The following LONP2 variants were observed in gnomAD, a reference collection of about 807,000 sequenced individuals.
LONP2 encodes lon peptidase 2, peroxisomal.
A neutral mutation model predicts 85.6 loss-of-function variants in LONP2; 60 were observed. The ratio of observed to expected loss-of-function variants is 0.70; its 90% confidence interval spans 0.57 to 0.87. LONP2 has a LOEUF of 0.87. Among genes scored for constraint, LONP2 ranks in the 40% least tolerant of loss-of-function variants. LONP2 has a pLI of 0.00. For missense variants in LONP2, 860 were observed against 1,063.5 expected (o/e 0.81, Z 2.66); for synonymous variants, 395 against 389.7 (o/e 1.01, Z -0.16).
At chr16:48,359,050 C>T (rs1245220033), downstream of LONP2, among the ~76,000 whole-genome samples, 7 of 152,158 alleles carry the variant, frequency 4.6e-5, no homozygotes, top group Admixed American at 3.9e-4. Context: ...TGCAGTGATA[C>T]GATCTTGGCT....
chr16:48,282,147 G>A (rs1475351917), intron 8 of LONP2, among the ~76,000 whole-genome samples: 1 of 151,906 alleles, frequency 6.6e-6, no homozygotes, highest in Non-Finnish European at 1.5e-5. Flanking sequence ...AGTGGCTCAC[G>A]CCTGTAATCC....
At chr16:48,331,401 T>C (rs1959440850) in intron 11 of LONP2, among the ~76,000 whole-genome samples, 1 of 152,202 alleles carries the variant, frequency 6.6e-6, no homozygotes, top group Non-Finnish European at 1.5e-5. Context: ...ATGAATGCTA[T>C]AAAAGAAGTC....
intron 7 of LONP2, among the ~76,000 whole-genome samples, chr16:48,276,313 C>T (rs1319006742): frequency 6.6e-6 from 1 of 152,094 alleles, no homozygotes; most frequent in Non-Finnish European, 1.5e-5. Context: ...CTACTTTATA[C>T]CAGTCATGTG....
At chr16:48,256,855 T>G in intron 3 of LONP2, 114 bp downstream of exon 3, 1 of 935,240 alleles carries the variant, frequency 1.1e-6, no homozygotes, top group Admixed American at 2.6e-5. Context: ...CCAAAGTAAT[T>G]GAAATGCTTT....
chr16:48,357,666 A>T (rs531751980), downstream of LONP2, among the ~76,000 whole-genome samples: 13 of 152,324 alleles, frequency 8.5e-5, no homozygotes, highest in South Asian at 2.7e-3. Context: ...TCTTCTAATC[A>T]GGAGTGTGAA....
intron 11 of LONP2, among the ~76,000 whole-genome samples, chr16:48,304,215 C>A (rs16946084): frequency 0.012 from 1,865 of 152,274 alleles, 41 homozygotes; most frequent in African/African-American, 0.042. Flanking sequence ...CAACATAAGA[C>A]AATCCATGCT....
intron 11 of LONP2, among the ~76,000 whole-genome samples, chr16:48,328,402 G>A (rs561797895): frequency 2.0e-5 from 3 of 151,494 alleles, no homozygotes; most frequent in African/African-American, 7.3e-5. Flanking sequence ...AAATTGGGCC[G>A]GGCGCAGTGG....
At chr16:48,250,880 A>G (rs903671507) in intron 1 of LONP2, among the ~76,000 whole-genome samples, 2 of 152,240 alleles carry the variant, frequency 1.3e-5, no homozygotes, top group African/African-American at 4.8e-5. Context: ...AATAATAGCT[A>G]ATTGCTAAAT....
Position 48,270,223 on chromosome 16 carries a change from A to G in LONP2, c.1190A>G (p.His397Arg). 6.2e-7 allele frequency: 1 copy of G among 1,614,074 alleles called. No individual in the cohort carries two copies. The highest frequency in any genetic ancestry group is 8.5e-7 in the Non-Finnish European group (1 of 1,179,948). The change falls in exon 7 of 15, where the codon CAC becomes CGC. Residue 397 changes from histidine (H) to arginine (R), a missense_variant. Transcript: ENST00000285737. ...SVAKTLGREF[H>R]RIALGGVCDQ... is the part of the protein sequence containing the mutation. ...GCCAAGACTCTAGGTCGAGAGTTCC[A>G]CAGGATTGCACTTGGAGGAGTATGT...
chr16:48,286,317 A>C (rs1259896630), intron 8 of LONP2, among the ~76,000 whole-genome samples: 3 of 151,190 alleles, frequency 2.0e-5, no homozygotes, highest in African/African-American at 7.3e-5. Flanking sequence ...AATTTTTTGT[A>C]TTTTTAGTAG....
intron 6 of LONP2, among the ~76,000 whole-genome samples, chr16:48,264,215 G>C (rs1971939860): frequency 6.6e-6 from 1 of 152,162 alleles, no homozygotes; most frequent in Admixed American, 6.5e-5. Flanking sequence ...AAATTTATTA[G>C]ATGGGAATTT....
At position 48,334,229 on chromosome 16, in the gene LONP2, C is replaced by T; in HGVS notation, c.1809C>T (p.His603=). ...DVTEREGCRE[H]ILEDEKPESI... ...TTTTTCTTTTAGGTTGCAGAGAACACATCTTAGAAGATGAAAAACCTGAAT... is the reference window on the plus strand; with the variant it reads ...TTTTTCTTTTAGGTTGCAGAGAACATATCTTAGAAGATGAAAAACCTGAAT... The change falls in exon 12 of 15, where the codon CAC becomes CAT. Residue 603 remains histidine, a synonymous_variant. Transcript: ENST00000285737. The T allele has an allele frequency of 6.2e-7, 1 of 1,613,934 alleles. No individual in the cohort carries two copies. Among genetic ancestry groups the T allele is most frequent in the Non-Finnish European group, 8.5e-7 (1 of 1,179,860 alleles).
intron 8 of LONP2, among the ~76,000 whole-genome samples, chr16:48,293,788 A>G (rs1972609797): frequency 1.3e-5 from 2 of 152,190 alleles, no homozygotes; most frequent in Non-Finnish European, 2.9e-5. Flanking sequence ...ACAAAGACAG[A>G]GGGAAGGCTG....
intron 11 of LONP2, among the ~76,000 whole-genome samples, chr16:48,315,803 G>A (rs1485605805): frequency 6.6e-6 from 1 of 151,096 alleles, no homozygotes; most frequent in Non-Finnish European, 1.5e-5. Context: ...GCCCTTCACT[G>A]TCTCTTATCC....
At chr16:48,289,110 A>T (rs993370762) in intron 8 of LONP2, among the ~76,000 whole-genome samples, 5 of 152,174 alleles carry the variant, frequency 3.3e-5, no homozygotes, top group Middle Eastern at 3.4e-3. Context: ...GATACTTTGC[A>T]GGAATCTTTT....
At chr16:48,269,618 C>T (rs1972060207) in intron 6 of LONP2, among the ~76,000 whole-genome samples, 1 of 152,014 alleles carries the variant, frequency 6.6e-6, no homozygotes, top group Admixed American at 6.6e-5. Flanking sequence ...TAACTGTTTT[C>T]TTCTTTTCTG....
In LONP2 at chr16:48,300,942, A is replaced by T. The variant is rs13336441; in HGVS notation, c.1661+1154A>T. The stretch of plus-strand genomic sequence containing the variant: ...TGAATAATAATGATTCTGAAGAGTG[A>T]TCATTATTTATATTTCCCAGTTGTT... On this transcript the variant is annotated intron_variant, in intron 10 of 14. Coordinates refer to ENST00000285737, the MANE Select transcript of LONP2 (RefSeq NM_031490.5). 4.4e-3 allele frequency among the ~76,000 whole-genome samples: 670 copies of T among 152,304 alleles called. 4 individuals are homozygous for T. The highest frequency in any genetic ancestry group is 0.015 in the African/African-American group (634 of 41,572).
intron 4 of LONP2, 74 bp from the exon 5 acceptor site, chr16:48,261,350 T>A: frequency 9.2e-7 from 1 of 1,087,058 alleles, no homozygotes. Context: ...CCAGTCATAA[T>A]CTTATGTGTA....
chr16:48,354,858 A>G lies in LONP2; in HGVS notation c.*3056A>G, dbSNP rs966522655. Reference sequence around the variant, plus strand: ...TTTAGCTTTAGCTCAAAGGAACTCCAACTTTTTATTATTTGCAACAGTTAG... The same window carrying G: ...TTTAGCTTTAGCTCAAAGGAACTCCGACTTTTTATTATTTGCAACAGTTAG... On this transcript the variant is annotated 3_prime_UTR_variant, in exon 15 of 15. Coordinates refer to ENST00000285737, the MANE Select transcript of LONP2 (RefSeq NM_031490.5). The G allele has an allele frequency of 1.3e-5, 2 of 150,736 alleles. No individual in the cohort carries two copies. Among genetic ancestry groups the G allele is most frequent in the Non-Finnish European group, 3.0e-5 (2 of 67,736 alleles). 9.3% of individuals were successfully genotyped at this position (150,736 alleles called of 1,614,324 possible). A position where few individuals can be genotyped will look rare whatever the true frequency, so the allele number is the denominator to read the frequency against.
Sources: gnomAD v4.1 joint callset for allele counts (sites outside exome capture counted in the v4.1 genomes callset) on GRCh38, gnomAD v4.1.1 for gene constraint, MANE v1.5 for transcripts, NCBI Gene and HGNC (gene_info 2026-07-23, HGNC 2026-07-21) for gene names.